Variants in SEMA4D observed in about 807,000 individuals in gnomAD.
SEMA4D encodes semaphorin 4D, also known as semaphorin-4D.
SEMA4D carries 22 observed loss-of-function variants against 74.8 expected under a neutral mutation model. The observed-to-expected ratio is 0.29, with a 90% CI of 0.21 to 0.42. SEMA4D has a LOEUF of 0.42. Among genes scored for constraint, SEMA4D ranks in the 10% least tolerant of loss-of-function variants. The pLI is 1.00. For synonymous variants in SEMA4D, 445 were observed against 463.7 expected (o/e 0.96, Z 0.52); for missense variants, 937 against 1,118.4 (o/e 0.84, Z 2.31).
chr9:89,385,466 C>G (rs1838236396), intron 13 of SEMA4D: 1 of 985,318 alleles, frequency 1.0e-6, no homozygotes, highest in African/African-American at 1.7e-5. Flanking sequence ...CCCTTCAAAT[C>G]TCCAGGGCTC....
chr9:89,397,561 T>G (rs1037636141), intron 5 of SEMA4D, among the ~76,000 whole-genome samples: 1 of 152,212 alleles, frequency 6.6e-6, no homozygotes, highest in Non-Finnish European at 1.5e-5. Flanking sequence ...AGTACTTGCG[T>G]TACATGTGCT....
chr9:89,451,129 G>A (rs1324732608), intron 2 of SEMA4D, among the ~76,000 whole-genome samples: 6 of 152,046 alleles, frequency 3.9e-5, no homozygotes, highest in East Asian at 1.9e-4. Context: ...AAACTCAGCC[G>A]AATTTTTTTA....
chr9:89,382,944 C>T lies in SEMA4D; in HGVS notation c.1447-1598G>A, dbSNP rs370597093. Among the ~76,000 whole-genome samples, 193 of 152,334 alleles carry T rather than the reference C, an allele frequency of 1.3e-3. 1 individual carries two copies. Among genetic ancestry groups the T allele is most frequent in the African/African-American group, 4.5e-3 (186 of 41,588 alleles). ...GTCCCAAGGGGATCCAGACCACCTC[C>T]TGCACCCTGCGGGAGACTCAGCCCC... is the stretch of plus-strand genomic sequence containing the variant. On this transcript the variant is annotated intron_variant, in intron 13 of 15. Coordinates refer to ENST00000422704, the MANE Select transcript of SEMA4D (RefSeq NM_001371194.2).
chr9:89,379,149 TTGA>T lies in SEMA4D; in HGVS notation c.2141_2143del (p.Ile714del). The T allele has an allele frequency of 1.9e-6, 3 of 1,614,118 alleles. No individual in the cohort carries two copies. The highest frequency in any genetic ancestry group is 1.7e-6 in the Non-Finnish European group (2 of 1,179,994). On this transcript the variant is annotated inframe_deletion, in exon 16 of 16. Coordinates refer to ENST00000422704, the MANE Select transcript of SEMA4D (RefSeq NM_001371194.2). ...CTCCGAGTGGAGCTGGGGGACCGTGTTGATGACGATCTTTGGTTCGCAGGATGT... is the reference window on the plus strand; with the variant it reads ...CTCCGAGTGGAGCTGGGGGACCGTGTTGACGATCTTTGGTTCGCAGGATGT...
chr9:89,387,627 C>T lies in SEMA4D; in HGVS notation c.1108-19G>A, dbSNP rs766650066. On this transcript the variant is annotated intron_variant, in intron 11 of 15. Transcript: ENST00000422704. ...CGATGCACTGCAGGGAGAAAATCCCCGCTGTTAACGTGCTCGTGTCCCACC... is the reference window on the plus strand; with the variant it reads ...CGATGCACTGCAGGGAGAAAATCCCTGCTGTTAACGTGCTCGTGTCCCACC... The T allele has an allele frequency of 2.5e-5, 40 of 1,607,288 alleles. No homozygotes were observed. The highest frequency in any genetic ancestry group is 3.7e-4 in the Middle Eastern group (2 of 5,384).
At chr9:89,478,657 G>T (rs1013925048) in intron 1 of SEMA4D, among the ~76,000 whole-genome samples, 4 of 152,062 alleles carry the variant, frequency 2.6e-5, no homozygotes, top group African/African-American at 9.7e-5. Flanking sequence ...AAAATGTGCG[G>T]AATGAGATGA....
chr9:89,392,314 A>G, intron 8 of SEMA4D, 109 bp downstream of exon 8: 1 of 774,870 alleles, frequency 1.3e-6, no homozygotes, highest in Non-Finnish European at 2.2e-6. Flanking sequence ...ACAGGGGCTA[A>G]CACAAGCTCG....
intron 2 of SEMA4D, among the ~76,000 whole-genome samples, chr9:89,437,013 G>A (rs554432615): frequency 2.6e-5 from 4 of 152,334 alleles, no homozygotes; most frequent in East Asian, 1.9e-4. Context: ...CAGGAATCAC[G>A]AAGACAGCTC....
At chr9:89,394,851 T>C (rs544035317) in intron 6 of SEMA4D, among the ~76,000 whole-genome samples, 1 of 152,344 alleles carries the variant, frequency 6.6e-6, no homozygotes, top group Non-Finnish European at 1.5e-5. Context: ...GGAGACTGGA[T>C]GATGCTGGGG....
exon 19 of SEMA4D, chr9:89,362,344 C>T: frequency 1.2e-6 from 2 of 1,613,976 alleles, no homozygotes; most frequent in South Asian, 1.1e-5. Flanking sequence ...TGGCTGTGGT[C>T]AGTGGCAGCA....
intron 2 of SEMA4D, among the ~76,000 whole-genome samples, chr9:89,424,875 G>T (rs907415434): frequency 2.6e-5 from 4 of 152,170 alleles, no homozygotes; most frequent in African/African-American, 9.7e-5. Context: ...TACAAGGCAT[G>T]CTTATTTCTT....
chr9:89,460,900 C>T (rs1204861196), intron 1 of SEMA4D, among the ~76,000 whole-genome samples: 1 of 152,172 alleles, frequency 6.6e-6, no homozygotes, highest in Non-Finnish European at 1.5e-5. Flanking sequence ...TATGTGGCCA[C>T]CACATATGCC....
chr9:89,488,772 A>T, intron 1 of SEMA4D, among the ~76,000 whole-genome samples: 1 of 152,250 alleles, frequency 6.6e-6, no homozygotes, highest in East Asian at 1.9e-4. Context: ...AAGATTTCTT[A>T]AATAGGGTAC....
chr9:89,393,245 A>G (rs1213295451), intron 7 of SEMA4D, among the ~76,000 whole-genome samples: 3 of 152,210 alleles, frequency 2.0e-5, no homozygotes, highest in African/African-American at 7.2e-5. Context: ...GAGGTGAGAG[A>G]CCACTGCAGA....
At chr9:89,362,180 T>A in exon 19 of SEMA4D, 9 of 652,854 alleles carry the variant, frequency 1.4e-5, no homozygotes, top group Admixed American at 2.9e-5. Flanking sequence ...AGCACCTAAT[T>A]TTTTAAGTCT....
At chr9:89,419,733 C>T (rs1846491876) in intron 2 of SEMA4D, among the ~76,000 whole-genome samples, 1 of 150,874 alleles carries the variant, frequency 6.6e-6, no homozygotes, top group Non-Finnish European at 1.5e-5. Flanking sequence ...ACCAACAAGG[C>T]AAAACCCCGT....
intron 1 of SEMA4D, among the ~76,000 whole-genome samples, chr9:89,475,789 G>A (rs956939012): frequency 1.3e-5 from 2 of 152,190 alleles, no homozygotes; most frequent in African/African-American, 4.8e-5. Context: ...GGCTCACAGA[G>A]AGCGGGAAAC....
chr9:89,450,659 GGAAAAAAAAAAAAAAAA>G (rs1157789863), intron 2 of SEMA4D: 5 of 419,364 alleles, frequency 1.2e-5, no homozygotes, highest in South Asian at 2.5e-5. Flanking sequence ...GAAAAACCCA[GGAAAAAAAAAAAAAAAA>G]AAAAAAAAAA....
intron 1 of SEMA4D, among the ~76,000 whole-genome samples, chr9:89,497,123 C>T (rs1387201003): frequency 6.6e-6 from 1 of 152,218 alleles, no homozygotes; most frequent in Non-Finnish European, 1.5e-5. Flanking sequence ...ACCTACCCCC[C>T]AAAATACTAA....
Sources: allele counts gnomAD v4.1 joint callset (sites outside exome capture counted in the v4.1 genomes callset), GRCh38; gene constraint gnomAD v4.1.1; transcripts MANE v1.5; gene names NCBI Gene and HGNC (gene_info 2026-07-23, HGNC 2026-07-21).